MED13L: variants seen among roughly 807,000 people sequenced by gnomAD.
MED13L encodes the protein mediator complex subunit 13L.
In MED13L, 7 loss-of-function variants were observed where a neutral mutation model predicts 220.9. That is an observed-to-expected ratio of 0.03 (90% CI 0.02 to 0.06). MED13L has a LOEUF of 0.06. Ranked by LOEUF, MED13L falls within the 10% of genes least tolerant of loss-of-function variation. The pLI is 1.00. For missense variants in MED13L, 1,965 were observed against 2,760.5 expected, an observed-to-expected ratio of 0.71 and a Z score of 6.46; for synonymous variants, 1,011 against 1,015.2, an observed-to-expected ratio of 1.00 and a Z score of 0.08.
chr12:116,201,363 C>T (rs1455967814), intron 2 of MED13L, among the ~76,000 whole-genome samples: 1 of 151,516 alleles, frequency 6.6e-6, no homozygotes, highest in Non-Finnish European at 1.5e-5. Context: ...TGAAGAAACC[C>T]TGAGATGGAT....
chr12:116,131,580 T>C (rs1311270636), intron 2 of MED13L, among the ~76,000 whole-genome samples: 1 of 152,198 alleles, frequency 6.6e-6, no homozygotes, highest in Admixed American at 6.5e-5. Flanking sequence ...GACGTTACGA[T>C]GAAACTCTCT....
chr12:116,081,600 C>G (rs1421394830), intron 4 of MED13L, among the ~76,000 whole-genome samples: 1 of 152,160 alleles, frequency 6.6e-6, no homozygotes, highest in Non-Finnish European at 1.5e-5. Context: ...TAAATATATT[C>G]AGGCTGGGCA....
chr12:116,256,861 T>C (rs1390074902), intron 1 of MED13L, among the ~76,000 whole-genome samples: 1 of 151,980 alleles, frequency 6.6e-6, no homozygotes, highest in Non-Finnish European at 1.5e-5. Context: ...AATTTTTGTA[T>C]TTTTAGTAGA....
At chr12:116,065,979 G>A (rs1156291441) in intron 4 of MED13L, among the ~76,000 whole-genome samples, 1 of 152,202 alleles carries the variant, frequency 6.6e-6, no homozygotes, top group African/African-American at 2.4e-5. Context: ...GTGAGAAGGA[G>A]CTATACAAGC....
chr12:116,271,620 C>G (rs980759615), intron 1 of MED13L, among the ~76,000 whole-genome samples: 4 of 144,994 alleles, frequency 2.8e-5, no homozygotes, highest in African/African-American at 1.0e-4. Context: ...AGCCAGACTC[C>G]GTCTCAAAAA....
intron 2 of MED13L, among the ~76,000 whole-genome samples, chr12:116,194,163 C>A (rs1881466339): frequency 1.3e-5 from 2 of 151,974 alleles, no homozygotes; most frequent in South Asian, 2.1e-4. Flanking sequence ...TACCCACACC[C>A]CTACTTCTTT....
intron 2 of MED13L, among the ~76,000 whole-genome samples, chr12:116,202,476 A>G (rs569258370): frequency 6.4e-4 from 97 of 152,200 alleles, no homozygotes; most frequent in Non-Finnish European, 1.2e-3. Context: ...CTTGAGAAAT[A>G]TAACACTGTA....
At chr12:116,200,000 A>G (rs1442747861) in intron 2 of MED13L, among the ~76,000 whole-genome samples, 2 of 152,032 alleles carry the variant, frequency 1.3e-5, no homozygotes, top group Non-Finnish European at 2.9e-5. Context: ...GGTTGAAATA[A>G]AAGGAGGAAA....
rs574499166 is a variant in MED13L at position 116,056,725 on chromosome 12, A to G, written c.480-34124T>C. On this transcript the variant is annotated intron_variant, in intron 4 of 30. Coordinates refer to ENST00000281928, the MANE Select transcript of MED13L (RefSeq NM_015335.5). ...GAATCATCATCAGATAATATTCTCC[A>G]AGATTCTTTAAGAAATTAATTTTTA... Among the ~76,000 whole-genome samples, 122 of 152,290 alleles carry G rather than the reference A, an allele frequency of 8.0e-4. 1 individual carries two copies. Among genetic ancestry groups the G allele is most frequent in the Middle Eastern group, 3.4e-3 (1 of 294 alleles).
At chr12:116,024,449 A>C (rs187064308) in intron 4 of MED13L, among the ~76,000 whole-genome samples, 11 of 152,296 alleles carry the variant, frequency 7.2e-5, no homozygotes, top group Non-Finnish European at 1.3e-4. Flanking sequence ...AGAAACGTCC[A>C]TTCAGGTATT....
intron 2 of MED13L, among the ~76,000 whole-genome samples, chr12:116,198,460 T>A (rs1307538411): frequency 6.6e-6 from 1 of 152,158 alleles, no homozygotes; most frequent in African/African-American, 2.4e-5. Flanking sequence ...GCCGCCTACA[T>A]TTGCAATACT....
intron 1 of MED13L, among the ~76,000 whole-genome samples, chr12:116,247,383 C>G (rs1044093387): frequency 2.0e-5 from 3 of 152,186 alleles, no homozygotes; most frequent in Non-Finnish European, 4.4e-5. Flanking sequence ...ATAAATTGTG[C>G]TGCAAAAGCC....
intron 4 of MED13L, among the ~76,000 whole-genome samples, chr12:116,084,385 G>A (rs1304386621): frequency 2.6e-5 from 4 of 152,148 alleles, no homozygotes; most frequent in Non-Finnish European, 5.9e-5. Context: ...TAAATGGAGG[G>A]CTGCAGGTAA....
chr12:116,056,734 T>C (rs1869008058), intron 4 of MED13L, among the ~76,000 whole-genome samples: 1 of 152,182 alleles, frequency 6.6e-6, no homozygotes, highest in Non-Finnish European at 1.5e-5. Flanking sequence ...CAAGATTCTT[T>C]AAGAAATTAA....
At chr12:116,131,220 G>A (rs1876039011) in intron 2 of MED13L, among the ~76,000 whole-genome samples, 1 of 152,152 alleles carries the variant, frequency 6.6e-6, no homozygotes, top group African/African-American at 2.4e-5. Flanking sequence ...GGAGAGAAAG[G>A]AAGGATTATA....
At chr12:116,213,219 G>A (rs919426427) in intron 2 of MED13L, among the ~76,000 whole-genome samples, 2 of 152,088 alleles carry the variant, frequency 1.3e-5, no homozygotes, top group Admixed American at 6.5e-5. Flanking sequence ...ATGGGAAGGA[G>A]TGGGCAGACA....
intron 2 of MED13L, among the ~76,000 whole-genome samples, chr12:116,145,327 C>G (rs1877387488): frequency 6.6e-6 from 1 of 152,166 alleles, no homozygotes; most frequent in South Asian, 2.1e-4. Context: ...TCATCACAGG[C>G]TGAAAAGCAA....
chr12:116,160,711 G>A (rs893968627), intron 2 of MED13L, among the ~76,000 whole-genome samples: 2 of 151,822 alleles, frequency 1.3e-5, no homozygotes, highest in Non-Finnish European at 2.9e-5. Flanking sequence ...TAGCGGGACT[G>A]CAGGCACACA....
At chr12:116,064,914 T>C (rs1293517285) in intron 4 of MED13L, among the ~76,000 whole-genome samples, 3 of 152,338 alleles carry the variant, frequency 2.0e-5, no homozygotes, top group Non-Finnish European at 4.4e-5. Flanking sequence ...ATGTGTGGCA[T>C]ATAGTCCGCT....
Sources: gnomAD v4.1 joint callset for allele counts (sites outside exome capture counted in the v4.1 genomes callset) on GRCh38, gnomAD v4.1.1 for gene constraint, MANE v1.5 for transcripts, NCBI Gene and HGNC (gene_info 2026-07-23, HGNC 2026-07-21) for gene names.